The following SCHIP1 variants were observed in gnomAD, a reference collection of about 807,000 sequenced individuals.
SCHIP1 encodes schwannomin-interacting protein 1.
Under a neutral mutation model 29.7 loss-of-function variants are expected in SCHIP1, and 8 were observed. That is an observed-to-expected ratio of 0.27 (90% CI 0.16 to 0.49). SCHIP1 has a LOEUF of 0.49. Ranked by LOEUF, SCHIP1 falls within the 20% of genes least tolerant of loss-of-function variation. SCHIP1 has a pLI of 0.99. For synonymous variants in SCHIP1, 76 were observed against 94.9 expected, an observed-to-expected ratio of 0.80 and a Z score of 1.16; for missense variants, 193 against 294.6, an observed-to-expected ratio of 0.66 and a Z score of 2.52.
the SCHIP1 span, among the ~76,000 whole-genome samples, chr3:159,382,551 G>C: frequency 6.6e-6 from 1 of 152,112 alleles, no homozygotes; most frequent in Non-Finnish European, 1.5e-5. Context: ...ATTGTGAATA[G>C]AGCCGCAATA....
chr3:159,495,973 T>C, the SCHIP1 span, among the ~76,000 whole-genome samples: 6 of 152,314 alleles, frequency 3.9e-5, no homozygotes, highest in Middle Eastern at 3.4e-3. Context: ...ACCTGATCTT[T>C]GACAAACCTG....
chr3:159,883,572 C>T (rs1008466423), intron 2 of SCHIP1, among the ~76,000 whole-genome samples: 4 of 152,146 alleles, frequency 2.6e-5, no homozygotes, highest in Non-Finnish European at 5.9e-5. Flanking sequence ...CATCTTAAAA[C>T]CCGCTTAAAG....
chr3:159,611,145 G>A, the SCHIP1 span, among the ~76,000 whole-genome samples: 1 of 152,092 alleles, frequency 6.6e-6, no homozygotes, highest in Non-Finnish European at 1.5e-5. Flanking sequence ...GAAGCAAAAT[G>A]CTTCTTCCTA....
intron 2 of SCHIP1, 102 bp downstream of exon 3, chr3:159,866,383 T>A: frequency 8.6e-7 from 1 of 1,159,400 alleles, no homozygotes; most frequent in Non-Finnish European, 1.2e-6. Flanking sequence ...TAGTTTTTTT[T>A]TCCCCCTCGC....
the SCHIP1 span, among the ~76,000 whole-genome samples, chr3:159,703,045 G>C: frequency 1.3e-5 from 2 of 152,204 alleles, no homozygotes; most frequent in Non-Finnish European, 2.9e-5. Context: ...GTCATCCTCT[G>C]AGTGCTGAGG....
chr3:159,345,383 G>A, the SCHIP1 span, among the ~76,000 whole-genome samples: 2 of 152,094 alleles, frequency 1.3e-5, no homozygotes, highest in Non-Finnish European at 2.9e-5. Flanking sequence ...AAAACGATAT[G>A]ACTATTGTTA....
At chr3:159,766,356 G>A in the SCHIP1 span, among the ~76,000 whole-genome samples, 2 of 152,166 alleles carry the variant, frequency 1.3e-5, no homozygotes, top group African/African-American at 2.4e-5. Context: ...GAGCCTGCTG[G>A]TTAGTTTCCC....
chr3:159,630,580 G>A, the SCHIP1 span, among the ~76,000 whole-genome samples: 1 of 152,126 alleles, frequency 6.6e-6, no homozygotes, highest in Non-Finnish European at 1.5e-5. Context: ...AGTAACTCAG[G>A]AATGGAAAAC....
chr3:159,429,036 G>A, the SCHIP1 span, among the ~76,000 whole-genome samples: 1 of 148,370 alleles, frequency 6.7e-6, no homozygotes, highest in Non-Finnish European at 1.5e-5. Flanking sequence ...TCACACTCTG[G>A]GGACTGTTGT....
the SCHIP1 span, among the ~76,000 whole-genome samples, chr3:159,832,308 A>T: frequency 2.0e-5 from 3 of 152,252 alleles, no homozygotes; most frequent in East Asian, 5.8e-4. Context: ...GACTGAATGA[A>T]TGCCTGCCAG....
At chr3:159,818,985 C>T in the SCHIP1 span, among the ~76,000 whole-genome samples, 2 of 152,158 alleles carry the variant, frequency 1.3e-5, no homozygotes, top group African/African-American at 4.8e-5. Flanking sequence ...TCAGGAATCC[C>T]AGAGCTGCTT....
chr3:159,659,022 A>G, the SCHIP1 span, among the ~76,000 whole-genome samples: 2 of 152,332 alleles, frequency 1.3e-5, no homozygotes, highest in African/African-American at 4.8e-5. Flanking sequence ...TGCCTCTCTC[A>G]CTTAATGAAT....
the SCHIP1 span, among the ~76,000 whole-genome samples, chr3:159,790,412 T>C: frequency 1.3e-5 from 2 of 152,214 alleles, no homozygotes; most frequent in Non-Finnish European, 2.9e-5. Context: ...TATTTCCAGC[T>C]GGGTGCAGTG....
chr3:159,715,317 C>T, the SCHIP1 span, among the ~76,000 whole-genome samples: 4 of 152,212 alleles, frequency 2.6e-5, no homozygotes, highest in African/African-American at 7.2e-5. Flanking sequence ...AAAGCTGAAA[C>T]TTCTAAAAAT....
At chr3:159,426,838 G>A in the SCHIP1 span, among the ~76,000 whole-genome samples, 2 of 152,152 alleles carry the variant, frequency 1.3e-5, no homozygotes, top group African/African-American at 2.4e-5. Flanking sequence ...TATCCACCAT[G>A]ATCAAGTGGG....
At chr3:159,867,970 G>GTGATTTATATATATATATAAATCAA (rs1714803583) in intron 2 of SCHIP1, among the ~76,000 whole-genome samples, 3 of 143,850 alleles carry the variant, frequency 2.1e-5, no homozygotes, top group Non-Finnish European at 4.6e-5. Flanking sequence ...TTGAAAATCA[G>GTGATTTATATATATATATAAATCAA]TGATTTATAT....
chr3:159,812,288 A>G, the SCHIP1 span, among the ~76,000 whole-genome samples: 19 of 152,038 alleles, frequency 1.2e-4, no homozygotes, highest in Non-Finnish European at 1.5e-5. Context: ...TTCAGTGTAT[A>G]AGTCTTGCAC....
the SCHIP1 span, among the ~76,000 whole-genome samples, chr3:159,394,918 G>C: frequency 6.6e-6 from 1 of 152,276 alleles, no homozygotes; most frequent in East Asian, 1.9e-4. Context: ...ACCTCTGGTA[G>C]AATTCGGCTG....
At chr3:159,774,382 TAATAA>T in the SCHIP1 span, among the ~76,000 whole-genome samples, 2 of 152,174 alleles carry the variant, frequency 1.3e-5, no homozygotes, top group African/African-American at 4.8e-5. Context: ...GATAAAAAAA[TAATAA>T]AATAAAAAGT....
Sources: gnomAD v4.1 joint callset for allele counts (sites outside exome capture counted in the v4.1 genomes callset) on GRCh38, gnomAD v4.1.1 for gene constraint, MANE v1.5 for transcripts, NCBI Gene and HGNC (gene_info 2026-07-23, HGNC 2026-07-21) for gene names.